The following PDSS2 variants were observed in gnomAD, a reference collection of about 807,000 sequenced individuals.
The protein encoded by PDSS2 is decaprenyl diphosphate synthase subunit 2.
A neutral mutation model predicts 44.5 loss-of-function variants in PDSS2; 31 were observed. The observed-to-expected ratio is 0.70, with a 90% CI of 0.52 to 0.94. PDSS2 has a LOEUF of 0.94. Ranked by LOEUF, PDSS2 falls within the 40% of genes least tolerant of loss-of-function variation. PDSS2 has a pLI of 0.00. For synonymous variants in PDSS2, 157 were observed against 180.3 expected (o/e 0.87, Z 1.03); for missense variants, 452 against 482.2 (o/e 0.94, Z 0.59).
chr6:107,292,154 T>TGTTA (rs1776369746), intron 2 of PDSS2, among the ~76,000 whole-genome samples: 1 of 150,058 alleles, frequency 6.7e-6, no homozygotes, highest in African/African-American at 2.5e-5. Flanking sequence ...TTGCATGCCA[T>TGTTA]GAAAACACAA....
chr6:107,267,040 G>C lies in PDSS2; in HGVS notation c.630+6989C>G, dbSNP rs181450094. ...TGTTTGTATCATTTAACATGATTAT[G>C]TTTGTATACAATACCACCGTTTGAA... is the stretch of plus-strand genomic sequence containing the variant. On this transcript the variant is annotated intron_variant, in intron 3 of 7. Transcript: ENST00000369037. 3.1e-3 allele frequency among the ~76,000 whole-genome samples: 465 copies of C among 152,324 alleles called. 1 individual carries two copies. The highest frequency in any genetic ancestry group is 4.4e-3 in the Non-Finnish European group (299 of 68,024).
intron 3 of PDSS2, among the ~76,000 whole-genome samples, chr6:107,255,440 C>T (rs1218809227): frequency 1.3e-5 from 2 of 151,924 alleles, no homozygotes; most frequent in African/African-American, 2.4e-5. Context: ...GATCCACTGG[C>T]CTCAGCCTCC....
At chr6:107,415,589 A>T (rs2114673942) in intron 1 of PDSS2, among the ~76,000 whole-genome samples, 1 of 152,306 alleles carries the variant, frequency 6.6e-6, no homozygotes, top group Non-Finnish European at 1.5e-5. Flanking sequence ...TGAAATAGAG[A>T]AGGCAATTAA....
At chr6:107,219,922 T>C (rs772187800) in intron 4 of PDSS2, among the ~76,000 whole-genome samples, 2 of 152,236 alleles carry the variant, frequency 1.3e-5, no homozygotes, top group African/African-American at 2.4e-5. Flanking sequence ...TATAATGACA[T>C]GCTATTCAGC....
chr6:107,411,902 T>A (rs1780510753), intron 1 of PDSS2, among the ~76,000 whole-genome samples: 1 of 81,962 alleles, frequency 1.2e-5, no homozygotes, highest in Non-Finnish European at 2.7e-5. Context: ...TTTTTTTTTT[T>A]GAGACAGAGT....
At chr6:107,155,515 C>A (rs1770855344) in intron 7 of PDSS2, among the ~76,000 whole-genome samples, 2 of 151,734 alleles carry the variant, frequency 1.3e-5, no homozygotes, top group African/African-American at 4.8e-5. Flanking sequence ...TTTTTAACAC[C>A]ATATGTTGAC....
At chr6:107,180,938 G>A (rs1016249641) in intron 7 of PDSS2, among the ~76,000 whole-genome samples, 1 of 152,194 alleles carries the variant, frequency 6.6e-6, no homozygotes, top group East Asian at 1.9e-4. Flanking sequence ...TCCATCTCCC[G>A]GATTCAAGCG....
At chr6:107,159,481 A>G (rs1771043398) in intron 7 of PDSS2, among the ~76,000 whole-genome samples, 1 of 145,888 alleles carries the variant, frequency 6.9e-6, no homozygotes, top group Non-Finnish European at 1.5e-5. Flanking sequence ...CAGTGGCGCG[A>G]TCTTGGCTCA....
intron 1 of PDSS2, among the ~76,000 whole-genome samples, chr6:107,458,426 A>AAAAAAAAAAAAAAAAAC (rs1562555803): frequency 1.4e-5 from 2 of 140,390 alleles, no homozygotes; most frequent in Non-Finnish European, 3.2e-5. Context: ...AAAAAAAAAA[A>AAAAAAAAAAAAAAAAAC]AAAAAACTTT....
At chr6:107,230,005 AAATGTGAACCCAG>A in intron 4 of PDSS2, 1 of 213,744 alleles carries the variant, frequency 4.7e-6, no homozygotes, top group South Asian at 8.6e-5. Context: ...TTATGCAAAG[AAATGTGAACCCAG>A]ATATGGACTT....
intron 2 of PDSS2, among the ~76,000 whole-genome samples, chr6:107,295,214 G>A (rs191692168): frequency 3.4e-3 from 512 of 152,324 alleles, no homozygotes; most frequent in South Asian, 5.0e-3. Flanking sequence ...GATTACAGGC[G>A]TGAGCCACCG....
At chr6:107,296,243 C>T (rs1776504290) in intron 2 of PDSS2, among the ~76,000 whole-genome samples, 1 of 152,092 alleles carries the variant, frequency 6.6e-6, no homozygotes, top group Non-Finnish European at 1.5e-5. Flanking sequence ...TGAGAATAGT[C>T]CTGAGCCTTT....
intron 1 of PDSS2, among the ~76,000 whole-genome samples, chr6:107,344,957 T>C (rs1052917603): frequency 1.3e-5 from 2 of 151,994 alleles, no homozygotes; most frequent in Admixed American, 1.3e-4. Flanking sequence ...CACTGAAAAC[T>C]CTCAAAATAA....
At chr6:107,294,513 C>T (rs1313208504) in intron 2 of PDSS2, among the ~76,000 whole-genome samples, 1 of 152,122 alleles carries the variant, frequency 6.6e-6, no homozygotes, top group African/African-American at 2.4e-5. Flanking sequence ...TCGTGAGTAG[C>T]TAGGACTGCA....
At chr6:107,347,964 C>G (rs564641438) in intron 1 of PDSS2, among the ~76,000 whole-genome samples, 2 of 152,002 alleles carry the variant, frequency 1.3e-5, no homozygotes, top group South Asian at 4.2e-4. Flanking sequence ...GGATGCCATC[C>G]CCCACCCCCC....
chr6:107,322,566 C>CT (rs1777413745), intron 2 of PDSS2, among the ~76,000 whole-genome samples: 1 of 151,634 alleles, frequency 6.6e-6, no homozygotes, highest in East Asian at 1.9e-4. Context: ...AACTTGAGGC[C>CT]GGGTGTGGTG....
intron 2 of PDSS2, among the ~76,000 whole-genome samples, chr6:107,284,110 G>A (rs1412927579): frequency 6.6e-6 from 1 of 151,712 alleles, no homozygotes; most frequent in African/African-American, 2.4e-5. Flanking sequence ...ACGGACAAGG[G>A]AGATAAAAAG....
chr6:107,334,056 C>T (rs1452275235), intron 2 of PDSS2, 142 bp downstream of exon 2: 36 of 774,618 alleles, frequency 4.6e-5, no homozygotes, highest in Non-Finnish European at 4.3e-6. Context: ...TTATTATGAA[C>T]AATAAAAATC....
At chr6:107,172,771 C>G (rs1771625139) in intron 7 of PDSS2, among the ~76,000 whole-genome samples, 1 of 147,692 alleles carries the variant, frequency 6.8e-6, no homozygotes. Context: ...CACACACATT[C>G]TTTTTTTTTT....
Sources: allele counts gnomAD v4.1 joint callset (sites outside exome capture counted in the v4.1 genomes callset), GRCh38; gene constraint gnomAD v4.1.1; transcripts MANE v1.5; gene names NCBI Gene and HGNC (gene_info 2026-07-23, HGNC 2026-07-21).